The following CACNA1G variants were observed in gnomAD, a reference collection of about 807,000 sequenced individuals.
CACNA1G encodes calcium voltage-gated channel subunit alpha1 G, also known as voltage-dependent T-type calcium channel subunit alpha-1G.
CACNA1G carries 67 observed loss-of-function variants against 219.4 expected under a neutral mutation model. The observed-to-expected ratio is 0.31, with a 90% CI of 0.25 to 0.37. The LOEUF (loss-of-function observed/expected upper bound fraction) is 0.37. Among genes scored for constraint, CACNA1G ranks in the 10% least tolerant of loss-of-function variants. CACNA1G has a pLI of 1.00. For missense variants in CACNA1G, 2,380 were observed against 3,231.4 expected (o/e 0.74, Z 6.39); for synonymous variants, 1,296 against 1,345.3 (o/e 0.96, Z 0.80).
Position 50,626,037 on chromosome 17 carries a change from C to A in CACNA1G, c.6420C>A (p.Ser2140=). 1 of 1,612,020 alleles carries A rather than the reference C, an allele frequency of 6.2e-7. No individual in the cohort carries two copies. Among genetic ancestry groups the A allele is most frequent in the Non-Finnish European group, 8.5e-7 (1 of 1,178,780 alleles). ...TATAGGCAGCAATAAGGACTGACTC[C>A]TTGGACGTTCAGGGTCTGGGCAGCC... ...LRRQAAIRTD[S]LDVQGLGSRE... Residue 2140 remains serine (S), a synonymous_variant, in exon 38 of 38, where the codon TCC becomes TCA. Transcript: ENST00000359106. This position sits in a 1 kb window ranked among gnomAD's most constrained non-coding sequence, Gnocchi z 4.3.
At chr17:50,616,859 T>C (rs1296881633) in intron 28 of CACNA1G, among the ~76,000 whole-genome samples, 1 of 152,144 alleles carries the variant, frequency 6.6e-6, no homozygotes, top group African/African-American at 2.4e-5. Context: ...CGTTTTGTTT[T>C]GTTTTGTTTT....
Position 50,599,414 on chromosome 17 carries a change from C to T in CACNA1G, c.3259-14C>T. On this transcript the variant is annotated splice_polypyrimidine_tract_variant and intron_variant, in intron 16 of 37. Coordinates refer to ENST00000359106, the MANE Select transcript of CACNA1G (RefSeq NM_018896.5). ...GGCCCTGCCTGAGACCACTCCTCCCCTGCTCACCCACAGCCCAGCGCCCGC... is the reference window on the plus strand; with the variant it reads ...GGCCCTGCCTGAGACCACTCCTCCCTTGCTCACCCACAGCCCAGCGCCCGC... 6.5e-7 allele frequency: 1 copy of T among 1,528,000 alleles called. No individual in the cohort carries two copies. Among genetic ancestry groups the T allele is most frequent in the South Asian group, 1.2e-5 (1 of 81,514 alleles). 94.7% of individuals were successfully genotyped at this position (1,528,000 alleles called of 1,614,324 possible). A position where few individuals can be genotyped will look rare whatever the true frequency, so the allele number is the denominator to read the frequency against.
chr17:50,561,289 C>G lies in CACNA1G; in HGVS notation c.-171C>G, dbSNP rs1275630619. On this transcript the variant is annotated 5_prime_UTR_variant, in exon 1 of 38. Transcript: ENST00000359106. ...CCCCGGCGCCCCGCGGGCAGCATGC[C>G]CCTGCGGGCAGGGGGAGCTGGGCTG... 9 of 700,922 alleles carry G rather than the reference C, an allele frequency of 1.3e-5. No homozygotes were observed. The highest frequency in any genetic ancestry group is 1.8e-5 in the Non-Finnish European group (8 of 443,448). 43.4% of individuals were successfully genotyped at this position (700,922 alleles called of 1,614,324 possible). A position where few individuals can be genotyped will look rare whatever the true frequency, so the allele number is the denominator to read the frequency against.
chr17:50,614,210 G>A (rs556035788), intron 26 of CACNA1G, among the ~76,000 whole-genome samples: 55 of 152,330 alleles, frequency 3.6e-4, no homozygotes, highest in African/African-American at 1.3e-3. Context: ...CATGGGAAAG[G>A]ACAGTTACAT....
At chr17:50,585,943 C>A (rs1451342732) in intron 9 of CACNA1G, among the ~76,000 whole-genome samples, 1 of 152,112 alleles carries the variant, frequency 6.6e-6, no homozygotes, top group Non-Finnish European at 1.5e-5. Flanking sequence ...GTCAGTGGAG[C>A]AGGTGGAAGC....
rs918029685 is a variant in CACNA1G, at chr17:50,619,427, C to G, written c.5782-256C>G. Among the ~76,000 whole-genome samples, 3 of 152,234 alleles carry G rather than the reference C, an allele frequency of 2.0e-5. No individual in the cohort carries two copies. The East Asian group carries it at 5.8e-4, about 29-fold the overall frequency. On this transcript the variant is annotated intron_variant, in intron 33 of 37. Coordinates refer to ENST00000359106, the MANE Select transcript of CACNA1G (RefSeq NM_018896.5). The stretch of plus-strand genomic sequence containing the variant: ...CTTTACCGCTCTCTCTCTCTCCCCC[C>G]GCCGTGGGCTCTGCTCATTTTCCAT...
Position 50,599,565 on chromosome 17 carries a change from G to A in CACNA1G, c.3396G>A (p.Leu1132=). ...CAAGTGGAGAGCGGCGGTCCCTGTT[G>A]TCGGGAGAAGGCCAGGAGAGCCAGG... ...RSPSGERRSL[L]SGEGQESQDE... Residue 1132 remains leucine, a synonymous_variant, in exon 17 of 38, where the codon TTG becomes TTA. Coordinates refer to ENST00000359106, the MANE Select transcript of CACNA1G (RefSeq NM_018896.5). The A allele has an allele frequency of 1.2e-6, 2 of 1,612,920 alleles. No individual in the cohort carries two copies. Among genetic ancestry groups the A allele is most frequent in the Non-Finnish European group, 1.7e-6 (2 of 1,179,508 alleles).
At chr17:50,595,119 C>G in intron 14 of CACNA1G, 58 bp downstream of exon 14, 1 of 1,280,772 alleles carries the variant, frequency 7.8e-7, no homozygotes, top group Non-Finnish European at 1.1e-6. Context: ...TGCCCCTCCA[C>G]TCCGCCTCCG....
rs1033622829 is a variant in CACNA1G, at chr17:50,571,042, C to T, written c.587-836C>T. Among the ~76,000 whole-genome samples the T allele has an allele frequency of 2.6e-5, 4 of 152,154 alleles. No homozygotes were observed. Among genetic ancestry groups the T allele is most frequent in the South Asian group, 2.1e-4 (1 of 4,826 alleles). On this transcript the variant is annotated intron_variant, in intron 4 of 37. Coordinates refer to ENST00000359106, the MANE Select transcript of CACNA1G (RefSeq NM_018896.5). The surrounding 1 kb of genome is among the most constrained non-coding windows in gnomAD (Gnocchi z 4.3). ...GGGGGCTGGTTCAGACCATTTGGGC[C>T]GGTTGGGTTCTAGACCTGGAGTACG...
intron 1 of CACNA1G, among the ~76,000 whole-genome samples, chr17:50,565,037 C>T (rs1368439337): frequency 6.6e-6 from 1 of 150,396 alleles, no homozygotes; most frequent in Non-Finnish European, 1.5e-5. Flanking sequence ...CCCCCACCCT[C>T]GCCTGCTCCC....
chr17:50,616,182 C>A, intron 27 of CACNA1G, 93 bp from the exon 28 acceptor site: 1 of 729,078 alleles, frequency 1.4e-6, no homozygotes, highest in Non-Finnish European at 2.4e-6. Context: ...GTTCCCCTGC[C>A]TCTCAGACCT....
intron 9 of CACNA1G, among the ~76,000 whole-genome samples, chr17:50,585,497 G>A (rs540250433): frequency 6.6e-6 from 1 of 152,300 alleles, no homozygotes; most frequent in African/African-American, 2.4e-5. Context: ...CTGGTGGGGG[G>A]AATAAGCGTA....
intron 14 of CACNA1G, 39 bp downstream of exon 14, chr17:50,595,100 C>T: frequency 6.7e-7 from 1 of 1,493,334 alleles, no homozygotes; most frequent in South Asian, 1.2e-5. Context: ...CTCCCGTGCC[C>T]CATGCCCGTG....
At chr17:50,623,842 C>T (rs2052912837) in intron 35 of CACNA1G, 65 bp from the exon 36 acceptor site, 2 of 1,532,990 alleles carry the variant, frequency 1.3e-6, no homozygotes, top group African/African-American at 1.4e-5. Context: ...GTTGTCAGCG[C>T]TGCCTCAGTT....
intron 13 of CACNA1G, among the ~76,000 whole-genome samples, chr17:50,593,284 A>G (rs1453455965): frequency 1.3e-5 from 2 of 152,238 alleles, no homozygotes; most frequent in Non-Finnish European, 2.9e-5. Context: ...CTCAGGGTCT[A>G]TAAGAGGAGG....
At chr17:50,589,910 CTCTG>C (rs993355061) in intron 9 of CACNA1G, among the ~76,000 whole-genome samples, 7 of 146,380 alleles carry the variant, frequency 4.8e-5, no homozygotes, top group Non-Finnish European at 8.9e-5. Context: ...CTCTCTCTCT[CTCTG>C]TGTGTGTGTG....
rs867781260 is a variant in CACNA1G at position 50,624,525 on chromosome 17, G to T, written c.6395G>T (p.Arg2132Leu). ...RSPLAQRPLR[R>L]QAAIRTDSLD... ...CCTTTGGCTCAGAGGCCACTCAGGC[G>T]CCAGGTGAGCAGATGTGGAAAGGCA... is the stretch of plus-strand genomic sequence containing the variant. Residue 2132 changes from arginine to leucine, a missense_variant, in exon 37 of 38, where the codon CGC becomes CTC. Arg to Leu is a moderately radical substitution (Grantham distance 102). Coordinates refer to ENST00000359106, the MANE Select transcript of CACNA1G (RefSeq NM_018896.5). 1.9e-6 allele frequency: 3 copies of T among 1,584,698 alleles called. No individual in the cohort carries two copies. Among genetic ancestry groups the T allele is most frequent in the Admixed American group, 1.8e-5 (1 of 56,756 alleles).
intron 1 of CACNA1G, among the ~76,000 whole-genome samples, chr17:50,565,771 C>T (rs1285648487): frequency 6.6e-6 from 1 of 152,186 alleles, no homozygotes; most frequent in East Asian, 1.9e-4. Flanking sequence ...CTAGATAAAG[C>T]CCCACACAGA....
chr17:50,618,424 C>A lies in CACNA1G; in HGVS notation c.5427+81C>A. ...GGATTCCTTGGGAAGATGAATTGGCCACAAATAAAAGCATGTGACCTTCTC... is the reference window on the plus strand; with the variant it reads ...GGATTCCTTGGGAAGATGAATTGGCAACAAATAAAAGCATGTGACCTTCTC... On this transcript the variant is annotated intron_variant, in intron 32 of 37. Transcript: ENST00000359106. This position sits in a 1 kb window ranked among gnomAD's most constrained non-coding sequence, Gnocchi z 5.3. 1 of 1,562,802 alleles carries A rather than the reference C, an allele frequency of 6.4e-7. No individual in the cohort carries two copies.
Sources: gnomAD v4.1 joint callset for allele counts (sites outside exome capture counted in the v4.1 genomes callset) on GRCh38, gnomAD v4.1.1 for gene constraint, Gnocchi (gnomAD v3.1) non-coding constraint, MANE v1.5 for transcripts, NCBI Gene and HGNC (gene_info 2026-07-23, HGNC 2026-07-21) for gene names.